Variants in DST observed in about 807,000 individuals in gnomAD.
DST encodes the protein bullous pemphigoid antigen.
A neutral mutation model predicts 875.2 loss-of-function variants in DST; 253 were observed. That is an observed-to-expected ratio of 0.29 (90% CI 0.26 to 0.32). The LOEUF (loss-of-function observed/expected upper bound fraction) is 0.32, where lower values mean the gene tolerates loss of function less well. Among genes scored for constraint, DST ranks in the 10% least tolerant of loss-of-function variants. The pLI is 1.00. For missense variants in DST, 8,287 were observed against 9,111.6 expected, an observed-to-expected ratio of 0.91 and a Z score of 3.68; for synonymous variants, 3,124 against 3,197.1, an observed-to-expected ratio of 0.98 and a Z score of 0.77.
chr6:56,887,955 T>C (rs991718617), intron 3 of DST, among the ~76,000 whole-genome samples: 1 of 135,490 alleles, frequency 7.4e-6, no homozygotes. Flanking sequence ...AATGAAATCT[T>C]TTTTTTTTTT....
rs374600645 is a variant in DST at position 56,560,761 on chromosome 6, CTT to C, written c.14311-340_14311-339del. Reference sequence around the variant, plus strand: ...AATTATAATAAATAAGAAAATCAGTCTTAATAAAGGCTGCCAGAAGTGGAGAA... The same window carrying C: ...AATTATAATAAATAAGAAAATCAGTCAATAAAGGCTGCCAGAAGTGGAGAA... On this transcript the variant is annotated intron_variant, in intron 57 of 103. Coordinates refer to ENST00000680361, the MANE Select transcript of DST (RefSeq NM_001374736.1). 7.0e-4 allele frequency among the ~76,000 whole-genome samples: 107 copies of C among 152,212 alleles called. 3 individuals are homozygous for C. The East Asian group carries it at 0.013, about 18-fold the overall frequency.
At chr6:56,921,998 G>GA (rs1217828797) in intron 2 of DST, among the ~76,000 whole-genome samples, 1 of 151,980 alleles carries the variant, frequency 6.6e-6, no homozygotes, top group African/African-American at 2.4e-5. Flanking sequence ...TGCTGTTTAC[G>GA]AAATTATTTC....
chr6:56,555,107 T>C (rs1197491550), intron 60 of DST, among the ~76,000 whole-genome samples: 4 of 152,202 alleles, frequency 2.6e-5, no homozygotes, highest in Non-Finnish European at 2.9e-5. Context: ...GAGATTTTAA[T>C]AGGCCTTCAG....
At chr6:56,775,438 T>C (rs1248669335) in intron 4 of DST, among the ~76,000 whole-genome samples, 1 of 152,222 alleles carries the variant, frequency 6.6e-6, no homozygotes, top group African/African-American at 2.4e-5. Context: ...ACTTACTAAC[T>C]AAAATAGGTC....
At chr6:56,581,616 T>C (rs2097997067) in intron 49 of DST, among the ~76,000 whole-genome samples, 1 of 152,238 alleles carries the variant, frequency 6.6e-6, no homozygotes, top group Non-Finnish European at 1.5e-5. Flanking sequence ...CTAACAGCTC[T>C]TACAGATTTC....
In DST at chr6:56,610,441, T is replaced by C. The variant is rs1240704126; in HGVS notation, c.5269A>G (p.Lys1757Glu). 31 of 1,560,150 alleles carry C rather than the reference T, an allele frequency of 2.0e-5. No homozygotes were observed. The East Asian group carries it at 7.0e-4, about 35-fold the overall frequency. Reference protein sequence around the residue: ...LQESQTSGDVKVEEKLDKVIA... With the variant: ...LQESQTSGDVEVEEKLDKVIA... ...AATAATATTACCTTCTCCTCTACCT[T>C]TACATCTCCTGAGGTTTGTGATTCT... The change falls in exon 39 of 104, where the codon AAG becomes GAG. Residue 1757 changes from lysine to glutamate, a missense_variant. Physicochemically the swap from Lys to Glu is moderately conservative, Grantham distance 56 (BLOSUM62 1). This residue lies in a region of DST where 3,138 missense variants were observed against 3,116.6 expected (regional missense o/e 1.01). Transcript: ENST00000680361.
intron 101 of DST, 22 bp from the exon 102 acceptor site, chr6:56,463,178 C>A: frequency 7.0e-7 from 1 of 1,426,622 alleles, no homozygotes; most frequent in South Asian, 1.2e-5. Flanking sequence ...AATGGCAAAT[C>A]AAATGAAAAG....
At chr6:56,737,596 C>T (rs775918866) in intron 4 of DST, among the ~76,000 whole-genome samples, 3 of 152,296 alleles carry the variant, frequency 2.0e-5, no homozygotes, top group Admixed American at 6.5e-5. Context: ...CTAATCATCA[C>T]GGAAATTCCT....
At chr6:56,795,021 G>T (rs147761310) in intron 4 of DST, among the ~76,000 whole-genome samples, 1 of 152,096 alleles carries the variant, frequency 6.6e-6, no homozygotes, top group Non-Finnish European at 1.5e-5. Context: ...GCCAAGGAAG[G>T]CTTCTGAGCA....
At chr6:56,900,351 A>C in intron 3 of DST, 70 bp downstream of exon 3, 1 of 1,225,648 alleles carries the variant, frequency 8.2e-7, no homozygotes. Flanking sequence ...TAATGTTTTT[A>C]AACTAAAAGA....
chr6:56,614,242 T>C, intron 37 of DST, 114 bp downstream of exon 37: 1 of 964,002 alleles, frequency 1.0e-6, no homozygotes, highest in Non-Finnish European at 1.5e-6. Flanking sequence ...TATATTGGGC[T>C]ATAACAATGG....
At chr6:56,873,634 G>T (rs951661448) in intron 3 of DST, among the ~76,000 whole-genome samples, 1 of 152,156 alleles carries the variant, frequency 6.6e-6, no homozygotes, top group African/African-American at 2.4e-5. Context: ...AATATTGCCT[G>T]TTCTCACTCA....
intron 9 of DST, among the ~76,000 whole-genome samples, chr6:56,688,930 A>T (rs2099206936): frequency 6.6e-6 from 1 of 152,208 alleles, no homozygotes; most frequent in Non-Finnish European, 1.5e-5. Context: ...GCATACACTT[A>T]TGCACATGAA....
intron 13 of DST, among the ~76,000 whole-genome samples, chr6:56,646,874 G>A (rs914794180): frequency 6.6e-6 from 1 of 152,072 alleles, no homozygotes; most frequent in Non-Finnish European, 1.5e-5. Flanking sequence ...TATTTAATAG[G>A]TATGTACTAA....
At chr6:56,625,123 GC>G in intron 35 of DST, 33 bp downstream of exon 35, 1 of 1,386,994 alleles carries the variant, frequency 7.2e-7, no homozygotes, top group Non-Finnish European at 1.0e-6. Context: ...TTTCTTTTAT[GC>G]CCCTTCCCCT....
At chr6:56,738,768 G>C (rs946050591) in intron 4 of DST, among the ~76,000 whole-genome samples, 3 of 151,852 alleles carry the variant, frequency 2.0e-5, no homozygotes, top group Non-Finnish European at 4.4e-5. Flanking sequence ...GACTACAGGT[G>C]CATGTCACCA....
intron 24 of DST, 135 bp from the exon 25 acceptor site, chr6:56,635,088 C>G (rs188692252): frequency 2.8e-6 from 2 of 704,076 alleles, no homozygotes; most frequent in Non-Finnish European, 4.7e-6. Context: ...ATCTTTCCTC[C>G]TCCACCCCAT....
At chr6:56,937,965 A>G (rs1056080644) in intron 2 of DST, among the ~76,000 whole-genome samples, 31 of 152,286 alleles carry the variant, frequency 2.0e-4, no homozygotes, top group African/African-American at 6.7e-4. Context: ...ATCTATAGAT[A>G]CTGAAAGCAG....
chr6:56,953,794 A>G lies in DST; in HGVS notation c.207T>C (p.Phe69=), dbSNP rs1267792376. ...GCGCTAAATAAATTACCTCAGAACG[A>G]AAGTGGTGCGATCTCAAAACAGCAT... ...SRDAVLRSHH[F]RSEGFRASPR... Residue 69 remains phenylalanine, a synonymous_variant, in exon 2 of 104, where the codon TTT becomes TTC. Transcript: ENST00000680361. 7.6e-7 allele frequency: 1 copy of G among 1,316,766 alleles called. No individual in the cohort carries two copies. Among genetic ancestry groups the G allele is most frequent in the Admixed American group, 2.2e-5 (1 of 45,018 alleles). The allele number at this position is 1,316,766 out of a possible 1,614,324, so 81.6% of individuals were successfully genotyped here. A position where few individuals can be genotyped will look rare whatever the true frequency, so the allele number is the denominator to read the frequency against.
Sources: gnomAD v4.1 joint callset for allele counts (sites outside exome capture counted in the v4.1 genomes callset) on GRCh38, gnomAD v4.1.1 for gene constraint, gnomAD v4.1.1 regional missense constraint, MANE v1.5 for transcripts, NCBI Gene and HGNC (gene_info 2026-07-23, HGNC 2026-07-21) for gene names.